COL27A1: variants seen among roughly 807,000 people sequenced by gnomAD.
COL27A1 encodes the protein collagen alpha-1(XXVII) chain.
In COL27A1, 106 loss-of-function variants were observed where a neutral mutation model predicts 251.3. The observed-to-expected ratio is 0.42, with a 90% CI of 0.36 to 0.50. The LOEUF (loss-of-function observed/expected upper bound fraction) is 0.50, where lower values mean the gene tolerates loss of function less well. Among genes scored for constraint, COL27A1 ranks in the 20% least tolerant of loss-of-function variants. The pLI is 0.00. For missense variants in COL27A1, 2,325 were observed against 2,522.8 expected (o/e 0.92, Z 1.68); for synonymous variants, 1,000 against 986.3 (o/e 1.01, Z -0.26).
chr9:114,178,424 G>T (rs1827639003), intron 4 of COL27A1, 80 bp downstream of exon 4: 1 of 1,310,056 alleles, frequency 7.6e-7, no homozygotes, highest in South Asian at 1.2e-5. Context: ...TCTCGGGTTT[G>T]CTGTGTGTCC....
At chr9:114,282,680 A>C in intron 39 of COL27A1, 116 bp downstream of exon 39, 1 of 656,558 alleles carries the variant, frequency 1.5e-6, no homozygotes, top group Non-Finnish European at 2.5e-6. Context: ...CTATTAGCTG[A>C]ACACCTGGTG....
At chr9:114,201,326 G>C (rs1440063680) in intron 7 of COL27A1, among the ~76,000 whole-genome samples, 1 of 152,232 alleles carries the variant, frequency 6.6e-6, no homozygotes, top group Non-Finnish European at 1.5e-5. Flanking sequence ...TAATTGGCGG[G>C]GCGCTGCACA....
Position 114,309,241 on chromosome 9 carries a change from T to G in COL27A1, c.5218-19T>G. ...GTGGGGGGCAGCCTGAGCCGCTCACTGCCGTTGCTTCTCTATAGGTCGAGT... is the reference window on the plus strand; with the variant it reads ...GTGGGGGGCAGCCTGAGCCGCTCACGGCCGTTGCTTCTCTATAGGTCGAGT... On this transcript the variant is annotated intron_variant, in intron 59 of 60. Transcript: ENST00000356083. 1 of 1,611,678 alleles carries G rather than the reference T, an allele frequency of 6.2e-7. No individual in the cohort carries two copies. Among genetic ancestry groups the G allele is most frequent in the Non-Finnish European group, 8.5e-7 (1 of 1,178,248 alleles).
At chr9:114,229,142 T>C (rs1831741540) in intron 14 of COL27A1, among the ~76,000 whole-genome samples, 1 of 152,256 alleles carries the variant, frequency 6.6e-6, no homozygotes, top group Non-Finnish European at 1.5e-5. Context: ...AAGCAGAATT[T>C]CTTAGCAAAG....
chr9:114,300,757 G>A (rs1296972129), intron 51 of COL27A1, 70 bp downstream of exon 51: 4 of 1,313,044 alleles, frequency 3.0e-6, no homozygotes, highest in African/African-American at 1.5e-5. Context: ...CCATCAGCTG[G>A]CCTGTCTTCA....
intron 29 of COL27A1, 104 bp downstream of exon 29, chr9:114,264,512 A>C: frequency 2.2e-6 from 2 of 908,714 alleles, no homozygotes; most frequent in Non-Finnish European, 3.2e-6. Flanking sequence ...AGGGACAACA[A>C]AGGGAGCCCC....
chr9:114,244,335 A>AT (rs148008823), intron 23 of COL27A1, among the ~76,000 whole-genome samples: 3,510 of 152,236 alleles, frequency 0.023, 151 homozygotes, highest in African/African-American at 0.081. Flanking sequence ...GTGGGCCTCT[A>AT]TATTTTCCCT....
intron 59 of COL27A1, among the ~76,000 whole-genome samples, chr9:114,308,226 G>T (rs937891139): frequency 6.6e-6 from 1 of 152,228 alleles, no homozygotes; most frequent in African/African-American, 2.4e-5. Context: ...AGGTGGTACA[G>T]GGCCACTCAA....
intron 2 of COL27A1, among the ~76,000 whole-genome samples, chr9:114,166,457 A>ATCCG (rs1364094420): frequency 4.2e-4 from 64 of 151,774 alleles, no homozygotes; most frequent in Non-Finnish European, 3.8e-4. Context: ...CCATCCATCC[A>ATCCG]TCCATCCATC....
intron 3 of COL27A1, among the ~76,000 whole-genome samples, chr9:114,173,520 C>T (rs1849471322): frequency 6.6e-6 from 1 of 150,926 alleles, no homozygotes; most frequent in African/African-American, 2.5e-5. Flanking sequence ...GAACCATTCC[C>T]TTATTCAGCC....
In COL27A1 at chr9:114,168,535, T is replaced by C; in HGVS notation, c.980T>C (p.Leu327Pro). 1 of 1,613,964 alleles carries C rather than the reference T, an allele frequency of 6.2e-7. No individual in the cohort carries two copies. Among genetic ancestry groups the C allele is most frequent in the Non-Finnish European group, 8.5e-7 (1 of 1,179,888 alleles). ...CAAACCCCGCTGCTACCTGCCAAGCTGTCAGCCAGTAACGCACTTGATCCC... is the reference window on the plus strand; with the variant it reads ...CAAACCCCGCTGCTACCTGCCAAGCCGTCAGCCAGTAACGCACTTGATCCC... The part of the protein sequence containing the change: ...PAQTPLLPAK[L>P]SASNALDPML... Residue 327 changes from leucine to proline, a missense_variant, in exon 3 of 61, where the codon CTG becomes CCG. Around this residue, in one of 4 missense-constraint regions of COL27A1, gnomAD observed 1,183 missense variants for 1,144.1 expected, o/e 1.03. Coordinates refer to ENST00000356083, the MANE Select transcript of COL27A1 (RefSeq NM_032888.4).
intron 12 of COL27A1, among the ~76,000 whole-genome samples, chr9:114,216,622 C>T (rs559884275): frequency 6.6e-5 from 10 of 152,278 alleles, no homozygotes; most frequent in East Asian, 5.8e-4. Context: ...AAGAACGTCT[C>T]GGGTCCTTTC....
intron 35 of COL27A1, 92 bp downstream of exon 35, chr9:114,269,386 TCA>T (rs1196736133): frequency 2.6e-6 from 2 of 782,432 alleles, no homozygotes; most frequent in African/African-American, 3.5e-5. Context: ...TCCCTAAGCC[TCA>T]GTTTCCTCAG....
In COL27A1 at chr9:114,169,043, T is replaced by C; in HGVS notation, c.1488T>C (p.Gly496=). The change falls in exon 3 of 61, where the codon GGT becomes GGC. Residue 496 remains glycine, a synonymous_variant. Coordinates refer to ENST00000356083, the MANE Select transcript of COL27A1 (RefSeq NM_032888.4). The stretch of plus-strand genomic sequence containing the variant: ...CCTCATCTCCTGCCCCTACTCCTGG[T>C]TCTACCAGGAGTACTCGGCCACCAG... ...ALSSSPAPTP[G]STRSTRPPAT... 6.2e-7 allele frequency: 1 copy of C among 1,614,008 alleles called. No individual in the cohort carries two copies. The highest frequency in any genetic ancestry group is 8.5e-7 in the Non-Finnish European group (1 of 1,179,968).
intron 28 of COL27A1, 54 bp from the exon 29 acceptor site, chr9:114,264,301 C>G (rs4978576): frequency 0.77 from 1,091,487 of 1,423,064 alleles, 420,659 homozygotes; most frequent in African/African-American, 0.95. Flanking sequence ...CCTGGTTCTC[C>G]GCCCGAGGGA....
chr9:114,253,785 T>A (rs964851376), intron 27 of COL27A1, among the ~76,000 whole-genome samples: 2 of 152,234 alleles, frequency 1.3e-5, no homozygotes, highest in African/African-American at 4.8e-5. Context: ...CAGAATGGTG[T>A]TTGTTCCCTG....
intron 21 of COL27A1, among the ~76,000 whole-genome samples, chr9:114,241,475 C>T (rs1481822174): frequency 6.6e-6 from 1 of 152,164 alleles, no homozygotes; most frequent in Admixed American, 6.5e-5. Context: ...CCTGGCATGC[C>T]AGAAGGAGCC....
At chr9:114,251,867 C>G (rs972908639) in intron 25 of COL27A1, among the ~76,000 whole-genome samples, 3 of 152,236 alleles carry the variant, frequency 2.0e-5, no homozygotes, top group African/African-American at 7.2e-5. Context: ...CACCATGACC[C>G]CCACCCTCAC....
At position 114,156,423 on chromosome 9, in the gene COL27A1, C is replaced by T. The variant is rs528908039; in HGVS notation, c.62+411C>T. On this transcript the variant is annotated intron_variant, in intron 1 of 60. Coordinates refer to ENST00000356083, the MANE Select transcript of COL27A1 (RefSeq NM_032888.4). ...GTCTGCAGGTCCCAAGCCTGTACGT[C>T]TCCGTTTCTATCTGTTCTTGTGAAA... 2.6e-5 allele frequency among the ~76,000 whole-genome samples: 4 copies of T among 152,128 alleles called. No homozygotes were observed. In the South Asian group the frequency reaches 8.3e-4, roughly 32 times the overall value.
Sources: allele counts gnomAD v4.1 joint callset (sites outside exome capture counted in the v4.1 genomes callset), GRCh38; gene constraint gnomAD v4.1.1; regional missense constraint gnomAD v4.1.1; transcripts MANE v1.5; gene names NCBI Gene and HGNC (gene_info 2026-07-23, HGNC 2026-07-21).